TMEM178B: variants seen among roughly 807,000 people sequenced by gnomAD.
TMEM178B encodes the protein transmembrane protein 178B.
In TMEM178B, 5 loss-of-function variants were observed where a neutral mutation model predicts 31.0. The ratio of observed to expected loss-of-function variants is 0.16; its 90% CI spans 0.08 to 0.34. The LOEUF is 0.34. Among genes scored for constraint, TMEM178B ranks in the 10% least tolerant of loss-of-function variants. The pLI, the probability that TMEM178B is intolerant of heterozygous loss-of-function variation, is 1.00. For synonymous variants in TMEM178B, 164 were observed against 164.0 expected, an observed-to-expected ratio of 1.00 and a Z score of 0.00; for missense variants, 275 against 400.3, an observed-to-expected ratio of 0.69 and a Z score of 2.67.
intron 2 of TMEM178B, among the ~76,000 whole-genome samples, chr7:141,356,192 A>AT (rs1194737494): frequency 1.3e-5 from 2 of 152,134 alleles, no homozygotes; most frequent in African/African-American, 4.8e-5. Flanking sequence ...AAATGCATGT[A>AT]TTTTTTTGTA....
intron 2 of TMEM178B, among the ~76,000 whole-genome samples, chr7:141,247,654 G>A (rs758637818): frequency 6.6e-6 from 1 of 152,214 alleles, no homozygotes; most frequent in African/African-American, 2.4e-5. Flanking sequence ...AGAGGAAGAA[G>A]AATGGGAGAG....
chr7:141,131,583 C>G (rs1795596006), intron 1 of TMEM178B, among the ~76,000 whole-genome samples: 1 of 152,172 alleles, frequency 6.6e-6, no homozygotes, highest in African/African-American at 2.4e-5. Flanking sequence ...TGCTCTTTGT[C>G]TACCTGGCTT....
Position 141,074,229 on chromosome 7 carries a change from G to A in TMEM178B, c.-82G>A. On this transcript the variant is annotated 5_prime_UTR_variant, in exon 1 of 4. Coordinates refer to ENST00000565468, the MANE Select transcript of TMEM178B (RefSeq NM_001195278.2). This position sits in a 1 kb window ranked among gnomAD's most constrained non-coding sequence, Gnocchi z 5.1. Reference sequence around the variant, plus strand: ...TCCTGCCCCCTCCCCCAGCTCGGCCGCCCGCCGCTTTGTTCCGGGTGCGGC... The same window carrying A: ...TCCTGCCCCCTCCCCCAGCTCGGCCACCCGCCGCTTTGTTCCGGGTGCGGC... 1 of 1,434,524 alleles carries A rather than the reference G, an allele frequency of 7.0e-7. No homozygotes were observed. Among genetic ancestry groups the A allele is most frequent in the Non-Finnish European group, 9.1e-7 (1 of 1,097,420 alleles). The allele number at this position is 1,434,524 out of a possible 1,614,324, so 88.9% of individuals were successfully genotyped here.
intron 2 of TMEM178B, among the ~76,000 whole-genome samples, chr7:141,323,999 G>A (rs1002392130): frequency 1.3e-5 from 2 of 152,066 alleles, no homozygotes; most frequent in Non-Finnish European, 2.9e-5. Context: ...GAACCAGCAA[G>A]TGCAAATGTC....
At chr7:141,087,238 A>C (rs1237675086) in intron 1 of TMEM178B, among the ~76,000 whole-genome samples, 1 of 152,218 alleles carries the variant, frequency 6.6e-6, no homozygotes, top group African/African-American at 2.4e-5. Context: ...AAGGGGAATC[A>C]GTTCATCCCT....
At chr7:141,295,640 A>T (rs1798619052) in intron 2 of TMEM178B, among the ~76,000 whole-genome samples, 1 of 152,162 alleles carries the variant, frequency 6.6e-6, no homozygotes, top group Non-Finnish European at 1.5e-5. Flanking sequence ...TTTCTTAGCA[A>T]ACAGGCTTGG....
At chr7:141,275,105 G>A (rs1410892100) in intron 2 of TMEM178B, among the ~76,000 whole-genome samples, 1 of 152,232 alleles carries the variant, frequency 6.6e-6, no homozygotes, top group Non-Finnish European at 1.5e-5. Flanking sequence ...CACTAAGAGA[G>A]TGGAAAGACA....
intron 1 of TMEM178B, among the ~76,000 whole-genome samples, chr7:141,152,685 G>A (rs1034410374): frequency 6.6e-6 from 1 of 152,182 alleles, no homozygotes; most frequent in Admixed American, 6.5e-5. Flanking sequence ...GTTCAGTGGG[G>A]GGCCTCCAAC....
intron 2 of TMEM178B, among the ~76,000 whole-genome samples, chr7:141,372,310 C>T (rs2116571310): frequency 6.6e-6 from 1 of 152,298 alleles, no homozygotes; most frequent in Admixed American, 6.5e-5. Flanking sequence ...ACCATCCTCT[C>T]CTCGCTGTCT....
intron 2 of TMEM178B, among the ~76,000 whole-genome samples, chr7:141,326,182 T>C (rs1211187954): frequency 6.6e-6 from 1 of 152,214 alleles, no homozygotes; most frequent in Non-Finnish European, 1.5e-5. Flanking sequence ...TAATTACATG[T>C]TAACAATGGT....
At chr7:141,456,120 GCATGT>G (rs1801957579) in intron 3 of TMEM178B, among the ~76,000 whole-genome samples, 1 of 152,178 alleles carries the variant, frequency 6.6e-6, no homozygotes, top group African/African-American at 2.4e-5. Context: ...CCCCTTCTGT[GCATGT>G]CAGGAGGTGA....
At chr7:141,256,641 T>G (rs1797933823) in intron 2 of TMEM178B, among the ~76,000 whole-genome samples, 1 of 152,032 alleles carries the variant, frequency 6.6e-6, no homozygotes, top group African/African-American at 2.4e-5. Context: ...TAATAAGATA[T>G]ATACTTGAAA....
intron 2 of TMEM178B, among the ~76,000 whole-genome samples, chr7:141,215,788 TTCTTTCTTTCTTTCTTTCTTTCTTTC>T (rs912656831): frequency 3.0e-5 from 2 of 67,716 alleles, no homozygotes; most frequent in African/African-American, 1.0e-4. Flanking sequence ...CTTTCTTTCT[TTCTTTCTTTCTTTCTTTCTTTCTTTC>T]TTTCTTTCTT....
chr7:141,140,377 A>G (rs375229562), intron 1 of TMEM178B, among the ~76,000 whole-genome samples: 1 of 152,248 alleles, frequency 6.6e-6, no homozygotes, highest in East Asian at 1.9e-4. Flanking sequence ...CTCCATTTAT[A>G]TACTTATTTT....
chr7:141,232,617 T>C (rs975617861), intron 2 of TMEM178B, among the ~76,000 whole-genome samples: 5 of 152,232 alleles, frequency 3.3e-5, no homozygotes, highest in African/African-American at 1.2e-4. Flanking sequence ...TTTCTATACA[T>C]TTTAATTCTT....
chr7:141,368,285 C>T (rs1280792686), intron 2 of TMEM178B, among the ~76,000 whole-genome samples: 2 of 152,182 alleles, frequency 1.3e-5, no homozygotes, highest in Admixed American at 1.3e-4. Flanking sequence ...TGCCACTGCA[C>T]TCCAGCCTGG....
intron 1 of TMEM178B, among the ~76,000 whole-genome samples, chr7:141,177,526 C>G (rs528716161): frequency 6.6e-6 from 1 of 152,292 alleles, no homozygotes; most frequent in South Asian, 2.1e-4. Flanking sequence ...ATCGATCTGT[C>G]TAATATTGAC....
intron 1 of TMEM178B, among the ~76,000 whole-genome samples, chr7:141,132,074 C>T (rs956774637): frequency 6.6e-6 from 1 of 152,152 alleles, no homozygotes; most frequent in African/African-American, 2.4e-5. Context: ...GACTTTGAAC[C>T]TTTATTCCTA....
intron 2 of TMEM178B, among the ~76,000 whole-genome samples, chr7:141,292,232 C>T (rs1032645355): frequency 9.9e-5 from 15 of 152,230 alleles, no homozygotes; most frequent in African/African-American, 3.6e-4. Context: ...AATATTTATG[C>T]ATATGGAGCA....
Sources: gnomAD v4.1 joint callset for allele counts (sites outside exome capture counted in the v4.1 genomes callset) on GRCh38, gnomAD v4.1.1 for gene constraint, Gnocchi (gnomAD v3.1) non-coding constraint, MANE v1.5 for transcripts, NCBI Gene and HGNC (gene_info 2026-07-23, HGNC 2026-07-21) for gene names.